The following PAN3 variants were observed in gnomAD, a reference collection of about 807,000 sequenced individuals.
PAN3 encodes PAN2-PAN3 deadenylation complex subunit PAN3.
Under a neutral mutation model 96.2 loss-of-function variants are expected in PAN3, and 19 were observed. The ratio of observed to expected loss-of-function variants is 0.20; its 90% confidence interval spans 0.14 to 0.29. The LOEUF (loss-of-function observed/expected upper bound fraction) is 0.29, where lower values mean the gene tolerates loss of function less well. PAN3 is among the 10% of genes least tolerant of loss of function. The probability of loss-of-function intolerance (pLI) is 1.00; values close to 1 mark genes in which losing one functional copy is unlikely to be tolerated. For missense variants in PAN3, 882 were observed against 1,108.1 expected, an observed-to-expected ratio of 0.80 and a Z score of 2.90; for synonymous variants, 433 against 406.6, an observed-to-expected ratio of 1.06 and a Z score of -0.78.
chr13:28,248,937 T>C (rs1884458778), intron 6 of PAN3, among the ~76,000 whole-genome samples: 2 of 152,248 alleles, frequency 1.3e-5, no homozygotes, highest in Non-Finnish European at 2.9e-5. Context: ...TATTGGCAAA[T>C]ATTTTTTTCA....
At chr13:28,252,784 T>C (rs1884840539) in intron 6 of PAN3, among the ~76,000 whole-genome samples, 1 of 152,114 alleles carries the variant, frequency 6.6e-6, no homozygotes, top group Admixed American at 6.5e-5. Flanking sequence ...ATACAAAAAA[T>C]GAAATACGAA....
chr13:28,246,294 A>T (rs1884179521), intron 6 of PAN3, among the ~76,000 whole-genome samples: 1 of 152,038 alleles, frequency 6.6e-6, no homozygotes, highest in African/African-American at 2.4e-5. Flanking sequence ...TCTTATTCAT[A>T]CTAGACCTGT....
chr13:28,226,055 G>C (rs1881972882), intron 6 of PAN3, among the ~76,000 whole-genome samples: 2 of 152,132 alleles, frequency 1.3e-5, no homozygotes, highest in African/African-American at 4.8e-5. Flanking sequence ...TTTGGAAACT[G>C]TTCTTTTTTT....
chr13:28,271,418 G>A (rs754045164), intron 13 of PAN3, among the ~76,000 whole-genome samples: 1 of 152,208 alleles, frequency 6.6e-6, no homozygotes, highest in Non-Finnish European at 1.5e-5. Context: ...ATAAAGAGCT[G>A]AAGATCTGGT....
At chr13:28,146,452 C>T (rs950174626) in intron 1 of PAN3, among the ~76,000 whole-genome samples, 3 of 151,852 alleles carry the variant, frequency 2.0e-5, no homozygotes, top group Non-Finnish European at 4.4e-5. Context: ...AAAGTATTTT[C>T]TCAGACTTTC....
At chr13:28,198,179 G>A (rs531203949) in intron 5 of PAN3, among the ~76,000 whole-genome samples, 5 of 151,966 alleles carry the variant, frequency 3.3e-5, no homozygotes, top group South Asian at 4.2e-4. Flanking sequence ...CCAGCTACTC[G>A]AGAGGCTGAG....
chr13:28,159,994 G>C (rs1872704538), intron 1 of PAN3, among the ~76,000 whole-genome samples: 1 of 151,492 alleles, frequency 6.6e-6, no homozygotes. Context: ...CTAGAGTGCA[G>C]TAGTGTGATC....
intron 6 of PAN3, among the ~76,000 whole-genome samples, chr13:28,224,285 A>G (rs1237416335): frequency 6.6e-6 from 1 of 152,206 alleles, no homozygotes; most frequent in African/African-American, 2.4e-5. Context: ...TTTAGGTTTA[A>G]TTACCTCAGT....
Position 28,270,844 on chromosome 13 carries a change from A to G in PAN3, c.1936A>G (p.Ile646Val), listed in dbSNP as rs1886558612. The change falls in exon 13 of 19, where the codon ATT (isoleucine) becomes GTT (valine). Residue 646 changes from isoleucine to valine, a missense_variant. Ile to Val is a conservative substitution (Grantham distance 29). Around this residue, in one of 3 missense-constraint regions of PAN3, gnomAD observed 364 missense variants for 513.6 expected, o/e 0.71. Transcript: ENST00000380958. ...LACRVMDPTK[I>V]LITGKTRLRV... ...ATGTCGAGTTATGGATCCAACAAAG[A>G]TTCTGATAACTGGCAAAACAAGGTA... 1 of 1,613,776 alleles carries G rather than the reference A, an allele frequency of 6.2e-7. No individual in the cohort carries two copies. Among genetic ancestry groups the G allele is most frequent in the African/African-American group, 1.3e-5 (1 of 75,034 alleles).
intron 1 of PAN3, among the ~76,000 whole-genome samples, chr13:28,167,084 T>A (rs1273991330): frequency 6.9e-6 from 1 of 143,952 alleles, no homozygotes; most frequent in South Asian, 2.2e-4. Context: ...TTATCTTAAT[T>A]TTTTTTTTTT....
At position 28,252,828 on chromosome 13, in the gene PAN3, A is replaced by G. The variant is rs78579464; in HGVS notation, c.1001-3464A>G. Among the ~76,000 whole-genome samples, 1,208 of 152,278 alleles carry G rather than the reference A, an allele frequency of 7.9e-3. 25 individuals carry two copies. The highest frequency in any genetic ancestry group is 0.027 in the African/African-American group (1,138 of 41,568). Reference sequence around the variant, plus strand: ...ATTCTTAATTTAGAATATTTAAAATACAAATTTTCATCCTTCTAGATTGTT... The same window carrying G: ...ATTCTTAATTTAGAATATTTAAAATGCAAATTTTCATCCTTCTAGATTGTT... On this transcript the variant is annotated intron_variant, in intron 6 of 18. Coordinates refer to ENST00000380958, the MANE Select transcript of PAN3 (RefSeq NM_175854.8).
intron 3 of PAN3, among the ~76,000 whole-genome samples, chr13:28,176,948 C>T (rs1875092812): frequency 6.6e-6 from 1 of 151,642 alleles, no homozygotes; most frequent in Admixed American, 6.6e-5. Flanking sequence ...ATATTAAATT[C>T]ATGTTAATTT....
chr13:28,289,551 G>A (rs1010376268), intron 18 of PAN3, among the ~76,000 whole-genome samples: 6 of 152,156 alleles, frequency 3.9e-5, no homozygotes, highest in African/African-American at 4.8e-5. Flanking sequence ...GATAATAGCC[G>A]TGAGCCACCA....
chr13:28,143,791 A>G (rs183781656), intron 1 of PAN3, among the ~76,000 whole-genome samples: 62 of 152,342 alleles, frequency 4.1e-4, no homozygotes, highest in African/African-American at 1.5e-3. Context: ...AGATTATTGA[A>G]TTGTGATTGT....
At chr13:28,175,926 T>C (rs1410014193) in intron 2 of PAN3, among the ~76,000 whole-genome samples, 2 of 152,186 alleles carry the variant, frequency 1.3e-5, no homozygotes, top group Non-Finnish European at 2.9e-5. Context: ...TCTTAACTTA[T>C]AATTTTTAAG....
At chr13:28,144,885 A>G (rs549162098) in intron 1 of PAN3, among the ~76,000 whole-genome samples, 95 of 150,378 alleles carry the variant, frequency 6.3e-4, no homozygotes, top group African/African-American at 2.3e-3. Flanking sequence ...GCGACTGGCT[A>G]ATTCTCGTAT....
Position 28,270,728 on chromosome 13 carries a change from A to G in PAN3, c.1820A>G (p.Gln607Arg). Reference sequence around the variant, plus strand: ...CAGCACGAGGGACCATTGCCCAGGCAGCATGCTGGATTATTGCCAGAATCT... The same window carrying G: ...CAGCACGAGGGACCATTGCCCAGGCGGCATGCTGGATTATTGCCAGAATCT... ...WGQHEGPLPR[Q>R]HAGLLPESLI... The change falls in exon 13 of 19, where the codon CAG (glutamine) becomes CGG (arginine). Residue 607 changes from glutamine to arginine, a missense_variant. By Grantham distance (43) the Gln-to-Arg change is conservative. Transcript: ENST00000380958. The G allele has an allele frequency of 6.2e-7, 1 of 1,613,982 alleles. No homozygotes were observed. The highest frequency in any genetic ancestry group is 8.5e-7 in the Non-Finnish European group (1 of 1,179,858).
chr13:28,282,072 G>A lies in PAN3; in HGVS notation c.2384+693G>A, dbSNP rs191584926. Among the ~76,000 whole-genome samples, 469 of 152,222 alleles carry A rather than the reference G, an allele frequency of 3.1e-3. 3 individuals carry two copies. Among genetic ancestry groups the A allele is most frequent in the African/African-American group, 0.011 (452 of 41,532 alleles). ...ATTACAGGCATGAGCCACCACGCCT[G>A]GCCTAAAGTATACTTTTTATAGCCA... On this transcript the variant is annotated intron_variant, in intron 17 of 18. Coordinates refer to ENST00000380958, the MANE Select transcript of PAN3 (RefSeq NM_175854.8).
At chr13:28,183,334 T>A (rs1485139734) in intron 4 of PAN3, among the ~76,000 whole-genome samples, 2 of 152,224 alleles carry the variant, frequency 1.3e-5, no homozygotes, top group Non-Finnish European at 2.9e-5. Flanking sequence ...CATTATCTTT[T>A]ACCCATTGAG....
Sources: gnomAD v4.1 joint callset for allele counts (sites outside exome capture counted in the v4.1 genomes callset) on GRCh38, gnomAD v4.1.1 for gene constraint, gnomAD v4.1.1 regional missense constraint, MANE v1.5 for transcripts, NCBI Gene and HGNC (gene_info 2026-07-23, HGNC 2026-07-21) for gene names.